BICC1: variants seen among roughly 807,000 people sequenced by gnomAD.
The protein encoded by BICC1 is BicC family RNA binding protein 1.
In BICC1, 43 loss-of-function variants were observed where a neutral mutation model predicts 111.0. The observed-to-expected ratio is 0.39, with a 90% CI of 0.30 to 0.50. BICC1 has a LOEUF of 0.50. Ranked by LOEUF, BICC1 falls within the 20% of genes least tolerant of loss-of-function variation. BICC1 has a pLI of 0.88. For missense variants in BICC1, 1,091 were observed against 1,203.2 expected (o/e 0.91, Z 1.38); for synonymous variants, 467 against 434.4 (o/e 1.07, Z -0.93).
At chr10:58,618,204 T>C (rs2132128543) in intron 1 of BICC1, among the ~76,000 whole-genome samples, 1 of 152,200 alleles carries the variant, frequency 6.6e-6, no homozygotes, top group Middle Eastern at 3.4e-3. Context: ...GTGTTGGAGC[T>C]GTGTGTCCAA....
chr10:58,551,015 C>T (rs1440359232), intron 1 of BICC1, among the ~76,000 whole-genome samples: 2 of 152,158 alleles, frequency 1.3e-5, no homozygotes, highest in Non-Finnish European at 2.9e-5. Context: ...TGAGAATGCA[C>T]GTCTCTGATC....
intron 3 of BICC1, among the ~76,000 whole-genome samples, chr10:58,707,716 A>G (rs1840430315): frequency 1.3e-5 from 2 of 151,580 alleles, no homozygotes; most frequent in African/African-American, 4.8e-5. Context: ...TTATTATTTG[A>G]GATGGAGTTT....
At chr10:58,652,818 G>T (rs1406540892) in intron 2 of BICC1, among the ~76,000 whole-genome samples, 1 of 151,998 alleles carries the variant, frequency 6.6e-6, no homozygotes, top group African/African-American at 2.4e-5. Flanking sequence ...TATCTTACAC[G>T]TGTAATAGAG....
At chr10:58,802,626 C>T (rs950306097) in intron 14 of BICC1, among the ~76,000 whole-genome samples, 1 of 152,214 alleles carries the variant, frequency 6.6e-6, no homozygotes, top group African/African-American at 2.4e-5. Flanking sequence ...CGAATTGGAT[C>T]ATCTACATCC....
intron 2 of BICC1, among the ~76,000 whole-genome samples, chr10:58,676,636 G>C (rs1210831925): frequency 6.6e-6 from 1 of 152,204 alleles, no homozygotes; most frequent in Non-Finnish European, 1.5e-5. Flanking sequence ...AGGCTTAAAT[G>C]TTCCTGCCTG....
At chr10:58,543,577 A>G (rs985671285) in intron 1 of BICC1, among the ~76,000 whole-genome samples, 22 of 152,096 alleles carry the variant, frequency 1.4e-4, no homozygotes, top group Non-Finnish European at 2.9e-4. Context: ...TGGTGTGATC[A>G]TAGCTCACTG....
chr10:58,557,434 A>G (rs1843483114), intron 1 of BICC1, among the ~76,000 whole-genome samples: 1 of 151,724 alleles, frequency 6.6e-6, no homozygotes, highest in African/African-American at 2.4e-5. Context: ...AATTTTAACC[A>G]TTATTTATTC....
intron 3 of BICC1, among the ~76,000 whole-genome samples, chr10:58,774,816 T>G (rs2132737287): frequency 6.6e-6 from 1 of 152,338 alleles, no homozygotes; most frequent in South Asian, 2.1e-4. Flanking sequence ...TTGAACTTTA[T>G]TCATAGTTAT....
chr10:58,814,005 G>A lies in BICC1; in HGVS notation c.2533+19G>A, dbSNP rs746303720. On this transcript the variant is annotated intron_variant, in intron 18 of 20. Coordinates refer to ENST00000373886, the MANE Select transcript of BICC1 (RefSeq NM_001080512.3). ...AAATCAAGTGAGCGTTGTGTTTTAT[G>A]CACACTTTTAGGTATCCCCAGATTA... The A allele has an allele frequency of 1.2e-6, 2 of 1,613,578 alleles. No homozygotes were observed. The highest frequency in any genetic ancestry group is 2.7e-5 in the African/African-American group (2 of 74,918).
At chr10:58,524,276 A>G (rs1410525512) in intron 1 of BICC1, among the ~76,000 whole-genome samples, 1 of 152,234 alleles carries the variant, frequency 6.6e-6, no homozygotes, top group Non-Finnish European at 1.5e-5. Context: ...AGCTGGAGGC[A>G]CCACGCTACC....
At chr10:58,821,479 C>T (rs987584498) in intron 20 of BICC1, among the ~76,000 whole-genome samples, 1 of 152,032 alleles carries the variant, frequency 6.6e-6, no homozygotes, top group Admixed American at 6.6e-5. Flanking sequence ...TTTATTTTAG[C>T]GGCATGTTGA....
chr10:58,608,195 A>G (rs1285639268), intron 1 of BICC1, among the ~76,000 whole-genome samples: 1 of 152,062 alleles, frequency 6.6e-6, no homozygotes, highest in African/African-American at 2.4e-5. Context: ...TATAACAACC[A>G]TAAAACTACT....
At chr10:58,682,234 A>G (rs1237483499) in intron 2 of BICC1, among the ~76,000 whole-genome samples, 7 of 152,066 alleles carry the variant, frequency 4.6e-5, no homozygotes, top group African/African-American at 1.4e-4. Context: ...TCCATGGTGT[A>G]TATGTGCCAC....
chr10:58,723,418 C>G (rs983967733), intron 3 of BICC1, among the ~76,000 whole-genome samples: 17 of 152,160 alleles, frequency 1.1e-4, no homozygotes, highest in African/African-American at 4.1e-4. Context: ...CCAAGATGAA[C>G]TGAATATCCA....
intron 1 of BICC1, among the ~76,000 whole-genome samples, chr10:58,547,095 CCTT>C (rs1843160243): frequency 6.6e-6 from 1 of 152,148 alleles, no homozygotes; most frequent in Non-Finnish European, 1.5e-5. Flanking sequence ...CCCAGTTTCC[CCTT>C]ATTATTACCA....
At chr10:58,543,847 A>G (rs2131891795) in intron 1 of BICC1, among the ~76,000 whole-genome samples, 1 of 151,278 alleles carries the variant, frequency 6.6e-6, no homozygotes, top group Non-Finnish European at 1.5e-5. Context: ...AAAAAAAAAA[A>G]AAGAAACCAC....
chr10:58,651,609 A>C lies in BICC1; in HGVS notation c.237+30708A>C, dbSNP rs114083920. Among the ~76,000 whole-genome samples the C allele has an allele frequency of 2.8e-3, 420 of 152,100 alleles. 2 individuals carry two copies. The highest frequency in any genetic ancestry group is 9.6e-3 in the African/African-American group (400 of 41,494). On this transcript the variant is annotated intron_variant, in intron 2 of 20. Transcript: ENST00000373886. The stretch of plus-strand genomic sequence containing the variant: ...TTTCCCTATCCTGATTTTCCTTATG[A>C]GATTCTCTCAGTTCTTTATTTTATG...
intron 3 of BICC1, among the ~76,000 whole-genome samples, chr10:58,720,504 A>C (rs1403812297): frequency 6.6e-6 from 1 of 152,236 alleles, no homozygotes; most frequent in Non-Finnish European, 1.5e-5. Context: ...AGTCACAGCT[A>C]AGGAAAATAT....
intron 2 of BICC1, among the ~76,000 whole-genome samples, chr10:58,676,880 G>A (rs1045332321): frequency 5.3e-5 from 8 of 152,210 alleles, no homozygotes; most frequent in Non-Finnish European, 8.8e-5. Flanking sequence ...CTGTTCTGCA[G>A]CCTCCGCTGG....
Sources: allele counts gnomAD v4.1 joint callset (sites outside exome capture counted in the v4.1 genomes callset), GRCh38; gene constraint gnomAD v4.1.1; transcripts MANE v1.5; gene names NCBI Gene and HGNC (gene_info 2026-07-23, HGNC 2026-07-21).